PITPNC1: variants seen among roughly 807,000 people sequenced by gnomAD.
The protein encoded by PITPNC1 is phosphatidylinositol transfer protein cytoplasmic 1.
A neutral mutation model predicts 44.7 loss-of-function variants in PITPNC1; 18 were observed. The ratio of observed to expected loss-of-function variants is 0.40; its 90% confidence interval spans 0.28 to 0.60. PITPNC1 has a LOEUF of 0.60. Ranked by LOEUF, PITPNC1 falls within the 20% of genes least tolerant of loss-of-function variation. The pLI, the probability that PITPNC1 is intolerant of heterozygous loss-of-function variation, is 0.39. For missense variants in PITPNC1, 290 were observed against 418.4 expected, an observed-to-expected ratio of 0.69 and a Z score of 2.68; for synonymous variants, 141 against 149.6, an observed-to-expected ratio of 0.94 and a Z score of 0.42.
chr17:67,560,252 T>C (rs963705177), intron 4 of PITPNC1, among the ~76,000 whole-genome samples: 2 of 152,194 alleles, frequency 1.3e-5, no homozygotes, highest in African/African-American at 4.8e-5. Flanking sequence ...TCTCTTTAGG[T>C]CAGAGCCATT....
At chr17:67,414,993 T>TGC (rs2038566409) in intron 1 of PITPNC1, among the ~76,000 whole-genome samples, 2 of 152,062 alleles carry the variant, frequency 1.3e-5, no homozygotes, top group African/African-American at 4.8e-5. Flanking sequence ...CGATTCTCCA[T>TGC]CTCAGCCTCC....
chr17:67,557,172 A>C (rs2040849406), intron 4 of PITPNC1, among the ~76,000 whole-genome samples: 1 of 152,104 alleles, frequency 6.6e-6, no homozygotes, highest in African/African-American at 2.4e-5. Flanking sequence ...GCACGTGGCC[A>C]TCTTCTTGCT....
At chr17:67,490,920 C>T (rs186043138) in intron 1 of PITPNC1, among the ~76,000 whole-genome samples, 2 of 152,334 alleles carry the variant, frequency 1.3e-5, no homozygotes, top group African/African-American at 4.8e-5. Flanking sequence ...TTCTCTCCTC[C>T]TCTGATTCTA....
chr17:67,575,980 G>A (rs1408933675), intron 4 of PITPNC1, among the ~76,000 whole-genome samples: 5 of 145,714 alleles, frequency 3.4e-5, no homozygotes, highest in African/African-American at 7.6e-5. Context: ...AGGTTCAAGC[G>A]ATTCTCGTGC....
At chr17:67,533,761 T>C (rs998517857) in intron 2 of PITPNC1, among the ~76,000 whole-genome samples, 5 of 152,240 alleles carry the variant, frequency 3.3e-5, no homozygotes, top group Non-Finnish European at 5.9e-5. Context: ...CTTCCCAAGG[T>C]GGAGGTTGTC....
intron 1 of PITPNC1, among the ~76,000 whole-genome samples, chr17:67,523,201 T>C (rs1442487825): frequency 2.0e-5 from 3 of 152,210 alleles, no homozygotes; most frequent in Non-Finnish European, 4.4e-5. Flanking sequence ...ATTCTCAAGC[T>C]TTTTATAATA....
intron 4 of PITPNC1, among the ~76,000 whole-genome samples, chr17:67,575,874 C>CCTTTT (rs777390217): frequency 0.17 from 2,948 of 17,638 alleles, 132 homozygotes; most frequent in African/African-American, 0.27. Context: ...TTCTTTCTTT[C>CCTTTT]TTTCCTTTTT....
chr17:67,379,601 A>G (rs562882070), intron 1 of PITPNC1, among the ~76,000 whole-genome samples: 1 of 152,318 alleles, frequency 6.6e-6, no homozygotes, highest in African/African-American at 2.4e-5. Context: ...TTCGAGTTGC[A>G]TATGACCTTG....
chr17:67,381,747 C>T (rs183673165), intron 1 of PITPNC1, among the ~76,000 whole-genome samples: 1 of 152,224 alleles, frequency 6.6e-6, no homozygotes, highest in East Asian at 1.9e-4. Flanking sequence ...CCACCGCGCC[C>T]GGCCTACTTG....
chr17:67,669,544 G>A lies in PITPNC1; in HGVS notation c.499G>A (p.Gly167Arg). 6.2e-7 allele frequency: 1 copy of A among 1,610,648 alleles called. No individual in the cohort carries two copies. Among genetic ancestry groups the A allele is most frequent in the Non-Finnish European group, 8.5e-7 (1 of 1,178,012 alleles). The part of the protein sequence containing the change: ...KHFKSEKTGR[G>R]QLREGWRDSH... ...CTTCAAGTCAGAGAAGACAGGACGG[G>A]GACAGTTGAGGGAAGGCTGGAGAGA... The change falls in exon 7 of 9, where the codon GGA becomes AGA. Residue 167 changes from glycine (G) to arginine (R), a missense_variant. Coordinates refer to ENST00000581322, the MANE Select transcript of PITPNC1 (RefSeq NM_012417.4).
At chr17:67,529,947 C>T (rs1598784884) in intron 1 of PITPNC1, among the ~76,000 whole-genome samples, 1 of 151,140 alleles carries the variant, frequency 6.6e-6, no homozygotes, top group Non-Finnish European at 1.5e-5. Flanking sequence ...TACCCTGTCT[C>T]AAAACAAACA....
chr17:67,427,355 C>T (rs921238853), intron 1 of PITPNC1, among the ~76,000 whole-genome samples: 9 of 152,048 alleles, frequency 5.9e-5, no homozygotes, highest in African/African-American at 1.9e-4. Flanking sequence ...GGACCACAGG[C>T]GCCCGCAACC....
intron 1 of PITPNC1, among the ~76,000 whole-genome samples, chr17:67,385,463 A>C (rs1032982315): frequency 3.9e-5 from 6 of 151,988 alleles, no homozygotes; most frequent in Non-Finnish European, 7.4e-5. Flanking sequence ...AAATAAGGGA[A>C]TAATGGCTGA....
intron 4 of PITPNC1, among the ~76,000 whole-genome samples, chr17:67,553,964 C>T (rs1049201319): frequency 6.6e-6 from 1 of 152,090 alleles, no homozygotes; most frequent in Non-Finnish European, 1.5e-5. Context: ...TGGTAGTTAT[C>T]GATGGAAGGT....
intron 1 of PITPNC1, among the ~76,000 whole-genome samples, chr17:67,403,641 C>T (rs1238713678): frequency 6.6e-6 from 1 of 152,154 alleles, no homozygotes; most frequent in East Asian, 1.9e-4. Flanking sequence ...AAGGTGGATC[C>T]TATTATCTTC....
intron 6 of PITPNC1, among the ~76,000 whole-genome samples, chr17:67,654,800 T>C (rs966840723): frequency 6.6e-6 from 1 of 151,944 alleles, no homozygotes; most frequent in African/African-American, 2.4e-5. Flanking sequence ...GCCCAACTAG[T>C]TTTTTTGTAT....
intron 1 of PITPNC1, among the ~76,000 whole-genome samples, chr17:67,429,767 T>C (rs1029431919): frequency 1.3e-5 from 2 of 152,202 alleles, no homozygotes; most frequent in African/African-American, 4.8e-5. Flanking sequence ...TCATTTAAAA[T>C]CTTGTTTTTA....
At chr17:67,587,008 G>T (rs2144248943) in intron 5 of PITPNC1, among the ~76,000 whole-genome samples, 1 of 152,264 alleles carries the variant, frequency 6.6e-6, no homozygotes, top group East Asian at 1.9e-4. Flanking sequence ...CATGAGAGGG[G>T]AACAAAATAG....
chr17:67,612,672 C>CGGATGGATGGATGGAT (rs61521480), intron 5 of PITPNC1: 1 of 147,236 alleles, frequency 6.8e-6, no homozygotes, highest in African/African-American at 2.5e-5. Flanking sequence ...GATGGATGGG[C>CGGATGGATGGATGGAT]GGATGGATGG....
Sources: allele counts gnomAD v4.1 joint callset (sites outside exome capture counted in the v4.1 genomes callset), GRCh38; gene constraint gnomAD v4.1.1; transcripts MANE v1.5; gene names NCBI Gene and HGNC (gene_info 2026-07-23, HGNC 2026-07-21).